Variants in PRKCE observed in about 807,000 individuals in gnomAD.
PRKCE encodes protein kinase C epsilon type.
Under a neutral mutation model 85.4 loss-of-function variants are expected in PRKCE, and 16 were observed. The ratio of observed to expected loss-of-function variants is 0.19; its 90% CI spans 0.13 to 0.28. The LOEUF is 0.28. Among genes scored for constraint, PRKCE ranks in the 10% least tolerant of loss-of-function variants. The pLI, the probability that PRKCE is intolerant of heterozygous loss-of-function variation, is 1.00. For synonymous variants in PRKCE, 388 were observed against 371.5 expected (o/e 1.04, Z -0.51); for missense variants, 573 against 975.2 (o/e 0.59, Z 5.49).
rs140396930 is a variant in PRKCE, at chr2:45,895,946, A to G, written c.412+52883A>G. 8.3e-3 allele frequency among the ~76,000 whole-genome samples: 1,266 copies of G among 152,280 alleles called. 15 individuals are homozygous for G. Among genetic ancestry groups the G allele is most frequent in the Non-Finnish European group, 0.013 (867 of 68,026 alleles). ...TCACCGTGTGACACTGTCCACGAGG[A>G]AGGCCTCAGATGAAGGAGGGCACTT... On this transcript the variant is annotated intron_variant, in intron 2 of 14. Transcript: ENST00000306156. The surrounding 1 kb of genome is among the most constrained non-coding windows in gnomAD (Gnocchi z 4.8).
chr2:45,817,582 T>C (rs1689175815), intron 1 of PRKCE, among the ~76,000 whole-genome samples: 1 of 151,964 alleles, frequency 6.6e-6, no homozygotes, highest in East Asian at 1.9e-4. Flanking sequence ...TAGTCCCAGC[T>C]ACTCAGGAGG....
rs1171261526 is a variant in PRKCE at position 46,041,191 on chromosome 2, T to C, written c.1437+30674T>C. 6.6e-6 allele frequency among the ~76,000 whole-genome samples: 1 copy of C among 152,220 alleles called. No individual in the cohort carries two copies. Among genetic ancestry groups the C allele is most frequent in the Non-Finnish European group, 1.5e-5 (1 of 68,044 alleles). On this transcript the variant is annotated intron_variant, in intron 10 of 14. Coordinates refer to ENST00000306156, the MANE Select transcript of PRKCE (RefSeq NM_005400.3). The surrounding 1 kb of genome is among the most constrained non-coding windows in gnomAD (Gnocchi z 5.5). ...CATATTTGTACCAGTTGTTAAGCCA[T>C]AGGTTTTAAACTAACAAATGATTAC...
intron 13 of PRKCE, among the ~76,000 whole-genome samples, chr2:46,152,425 GC>G (rs1470509426): frequency 1.3e-5 from 2 of 151,490 alleles, no homozygotes; most frequent in African/African-American, 4.9e-5. Context: ...CAGGTGATCC[GC>G]CCACCTCAGC....
intron 2 of PRKCE, among the ~76,000 whole-genome samples, chr2:45,947,230 T>G (rs566625182): frequency 6.6e-6 from 1 of 152,216 alleles, no homozygotes; most frequent in Non-Finnish European, 1.5e-5. Flanking sequence ...AGACCACATA[T>G]TGTATGATTC....
intron 10 of PRKCE, among the ~76,000 whole-genome samples, chr2:46,062,668 C>CTTTTTTTTTTTTT (rs71394871): frequency 8.2e-5 from 6 of 73,296 alleles, no homozygotes; most frequent in Non-Finnish European, 1.4e-4. Context: ...AAAGCTCAGC[C>CTTTTTTTTTTTTT]TTTTTTTTTT....
intron 2 of PRKCE, among the ~76,000 whole-genome samples, chr2:45,944,621 C>T (rs1056234615): frequency 6.7e-6 from 1 of 148,888 alleles, no homozygotes; most frequent in African/African-American, 2.5e-5. Flanking sequence ...CCCAAGTAGC[C>T]GGGACTACAG....
intron 2 of PRKCE, among the ~76,000 whole-genome samples, chr2:45,941,822 G>C (rs573444774): frequency 8.5e-5 from 13 of 152,292 alleles, no homozygotes; most frequent in African/African-American, 3.1e-4. Context: ...GCCTTCCCTG[G>C]CTAGTTCTGT....
In PRKCE at chr2:46,163,840, G is replaced by C. The variant is rs867058138; in HGVS notation, c.2067+4088G>C. Among the ~76,000 whole-genome samples the C allele has an allele frequency of 2.7e-5, 4 of 148,778 alleles. No individual in the cohort carries two copies. The South Asian group carries it at 8.7e-4, about 32-fold the overall frequency. On this transcript the variant is annotated intron_variant, in intron 14 of 14. Transcript: ENST00000306156. ...TGAGGCACACCCCACGGAGGCCACT[G>C]AGAGACACAGGGAAGCTGAGGTGCA...
At chr2:46,178,785 C>G (rs909462381) in intron 14 of PRKCE, among the ~76,000 whole-genome samples, 1 of 152,150 alleles carries the variant, frequency 6.6e-6, no homozygotes, top group Non-Finnish European at 1.5e-5. Flanking sequence ...CGTTAAGTAT[C>G]TGCTGTGTGC....
chr2:45,751,799 G>A (rs889634975), intron 1 of PRKCE, among the ~76,000 whole-genome samples: 2 of 143,564 alleles, frequency 1.4e-5, no homozygotes, highest in Non-Finnish European at 3.0e-5. Flanking sequence ...AGCCTCCAAA[G>A]CTAACCACTA....
intron 11 of PRKCE, among the ~76,000 whole-genome samples, chr2:46,121,136 A>G (rs1261962629): frequency 6.6e-6 from 1 of 152,216 alleles, no homozygotes; most frequent in African/African-American, 2.4e-5. Context: ...ACTTTTTAAA[A>G]TGTCACTTTA....
At chr2:45,832,356 A>G (rs1690500716) in intron 1 of PRKCE, among the ~76,000 whole-genome samples, 1 of 136,472 alleles carries the variant, frequency 7.3e-6, no homozygotes, top group African/African-American at 2.9e-5. Flanking sequence ...TCTGTTGCCC[A>G]GGCTGGAGTG....
At chr2:45,913,133 G>T (rs1697501823) in intron 2 of PRKCE, among the ~76,000 whole-genome samples, 1 of 152,192 alleles carries the variant, frequency 6.6e-6, no homozygotes, top group Non-Finnish European at 1.5e-5. Context: ...ATTCTCCTCA[G>T]AGTGTTTTGA....
intron 11 of PRKCE, among the ~76,000 whole-genome samples, chr2:46,107,458 A>G (rs1671836893): frequency 6.6e-6 from 1 of 152,200 alleles, no homozygotes; most frequent in African/African-American, 2.4e-5. Context: ...TTGTTTATCC[A>G]TTCACTATTG....
chr2:45,902,475 C>G (rs373795449), intron 2 of PRKCE, among the ~76,000 whole-genome samples: 1 of 152,128 alleles, frequency 6.6e-6, no homozygotes, highest in Non-Finnish European at 1.5e-5. Flanking sequence ...ATGAAGTAAT[C>G]AGAAAATACT....
rs1697632582 is a variant in PRKCE, at chr2:45,914,718, C to G, written c.413-61711C>G. ...AGAAATTTTAAAGAGTCCATAAAGT[C>G]TTTCATTGATGGCAAGTTAATCAAG... On this transcript the variant is annotated intron_variant, in intron 2 of 14. Transcript: ENST00000306156. Among the ~76,000 whole-genome samples the G allele has an allele frequency of 1.3e-5, 2 of 152,252 alleles. 1 individual carries two copies. The highest frequency in any genetic ancestry group is 4.8e-5 in the African/African-American group (2 of 41,530).
intron 1 of PRKCE, among the ~76,000 whole-genome samples, chr2:45,817,513 G>A (rs1033353083): frequency 1.4e-5 from 2 of 145,946 alleles, no homozygotes; most frequent in Non-Finnish European, 3.0e-5. Flanking sequence ...CTAACACGGT[G>A]AAACCCCGTC....
At chr2:45,949,420 A>ATTTTT (rs1700467311) in intron 2 of PRKCE, among the ~76,000 whole-genome samples, 1 of 46,054 alleles carries the variant, frequency 2.2e-5, no homozygotes, top group African/African-American at 8.9e-5. Flanking sequence ...TTTTTTTTTG[A>ATTTTT]TTGTTGTTTT....
At chr2:45,789,661 T>A (rs913310450) in intron 1 of PRKCE, among the ~76,000 whole-genome samples, 2 of 152,096 alleles carry the variant, frequency 1.3e-5, no homozygotes, top group Non-Finnish European at 2.9e-5. Context: ...AAGACAGGGA[T>A]TCTCAACCCT....
Sources: allele counts gnomAD v4.1 joint callset (sites outside exome capture counted in the v4.1 genomes callset), GRCh38; gene constraint gnomAD v4.1.1; non-coding constraint Gnocchi (gnomAD v3.1); transcripts MANE v1.5; gene names NCBI Gene and HGNC (gene_info 2026-07-23, HGNC 2026-07-21).